ALK: variants seen among roughly 807,000 people sequenced by gnomAD.
The protein encoded by ALK is ALK tyrosine kinase receptor.
ALK carries 74 observed loss-of-function variants against 163.1 expected under a neutral mutation model. The ratio of observed to expected loss-of-function variants is 0.45; its 90% CI spans 0.38 to 0.55. The LOEUF is 0.55. ALK is among the 20% of genes least tolerant of loss of function. The pLI, the probability that ALK is intolerant of heterozygous loss-of-function variation, is 0.00. For synonymous variants in ALK, 960 were observed against 843.2 expected (o/e 1.14, Z -2.40); for missense variants, 2,063 against 2,105.3 (o/e 0.98, Z 0.39).
chr2:29,657,901 A>T (rs925483869), intron 3 of ALK, among the ~76,000 whole-genome samples: 1 of 152,132 alleles, frequency 6.6e-6, no homozygotes, highest in African/African-American at 2.4e-5. Flanking sequence ...GCAGCTTATT[A>T]TTAGTTCCAC....
intron 4 of ALK, among the ~76,000 whole-genome samples, chr2:29,468,234 G>A (rs914248417): frequency 1.3e-5 from 2 of 152,066 alleles, no homozygotes; most frequent in Non-Finnish European, 2.9e-5. Flanking sequence ...TCACCATGTT[G>A]GTCAGGCTGG....
At chr2:29,314,939 G>A (rs545370433) in intron 8 of ALK, among the ~76,000 whole-genome samples, 1 of 152,174 alleles carries the variant, frequency 6.6e-6, no homozygotes, top group East Asian at 1.9e-4. Context: ...AGGCGGATTC[G>A]AGCAGGTCTG....
chr2:29,511,466 CA>C (rs776760553), intron 4 of ALK, among the ~76,000 whole-genome samples: 21 of 152,250 alleles, frequency 1.4e-4, no homozygotes, highest in Admixed American at 4.6e-4. Flanking sequence ...TCATATATAT[CA>C]GTATTTTATT....
At chr2:29,626,871 T>C (rs1040005196) in intron 3 of ALK, among the ~76,000 whole-genome samples, 1 of 152,216 alleles carries the variant, frequency 6.6e-6, no homozygotes, top group Non-Finnish European at 1.5e-5. Flanking sequence ...TGCAGGCCTC[T>C]ACCTCTGCAG....
chr2:29,236,243 T>C (rs1179156535), intron 13 of ALK, among the ~76,000 whole-genome samples: 2 of 152,092 alleles, frequency 1.3e-5, no homozygotes, highest in Admixed American at 1.3e-4. Flanking sequence ...ATGGAGGGGC[T>C]GCCCAGTCTG....
intron 3 of ALK, among the ~76,000 whole-genome samples, chr2:29,576,521 G>A (rs924625922): frequency 2.6e-5 from 4 of 152,186 alleles, no homozygotes; most frequent in South Asian, 2.1e-4. Context: ...TGTTCAGCTC[G>A]GTTCTCTGCC....
intron 25 of ALK, among the ~76,000 whole-genome samples, chr2:29,209,288 C>A (rs141153174): frequency 1.3e-5 from 2 of 152,212 alleles, no homozygotes; most frequent in Non-Finnish European, 2.9e-5. Flanking sequence ...CACCTGTAAT[C>A]CCAGCACTTT....
chr2:29,380,834 C>T (rs925834135), intron 5 of ALK, among the ~76,000 whole-genome samples: 1 of 152,164 alleles, frequency 6.6e-6, no homozygotes, highest in Non-Finnish European at 1.5e-5. Context: ...ACCCACCAGC[C>T]CCCTCCTCCA....
chr2:29,514,658 C>T (rs1279379888), intron 4 of ALK, among the ~76,000 whole-genome samples: 1 of 152,200 alleles, frequency 6.6e-6, no homozygotes, highest in East Asian at 1.9e-4. Flanking sequence ...TTTCTCTCCA[C>T]ACATGTGCCT....
At chr2:29,690,048 C>T (rs1678350068) in intron 3 of ALK, among the ~76,000 whole-genome samples, 1 of 152,166 alleles carries the variant, frequency 6.6e-6, no homozygotes, top group African/African-American at 2.4e-5. Context: ...GTTGTTTAAG[C>T]CATCCGGTTT....
chr2:29,207,105 A>C, intron 26 of ALK, 66 bp downstream of exon 26: 2 of 1,245,486 alleles, frequency 1.6e-6, no homozygotes, highest in South Asian at 2.4e-5. Context: ...TAGAGTATAG[A>C]GTCCTTTGGC....
chr2:29,440,061 G>A (rs184991305), intron 4 of ALK, among the ~76,000 whole-genome samples: 53 of 151,644 alleles, frequency 3.5e-4, no homozygotes, highest in Admixed American at 2.8e-3. Context: ...GTGAAACCCC[G>A]TCTCTACTAA....
chr2:29,307,908 T>C (rs1666569344), intron 8 of ALK, among the ~76,000 whole-genome samples: 1 of 152,246 alleles, frequency 6.6e-6, no homozygotes, highest in South Asian at 2.1e-4. Flanking sequence ...TTAATGTTTC[T>C]TTTCTGAGGG....
chr2:29,407,205 T>C (rs1464030588), intron 4 of ALK, among the ~76,000 whole-genome samples: 2 of 152,258 alleles, frequency 1.3e-5, no homozygotes, highest in Non-Finnish European at 2.9e-5. Flanking sequence ...TAGAAGAGCA[T>C]GTTTTCTGCC....
intron 3 of ALK, among the ~76,000 whole-genome samples, chr2:29,567,945 A>T (rs1674241893): frequency 6.6e-6 from 1 of 152,238 alleles, no homozygotes; most frequent in South Asian, 2.1e-4. Flanking sequence ...TTACCATGAA[A>T]AATGGACTTT....
chr2:29,480,365 T>C (rs1356314677), intron 4 of ALK, among the ~76,000 whole-genome samples: 1 of 152,204 alleles, frequency 6.6e-6, no homozygotes, highest in Non-Finnish European at 1.5e-5. Context: ...CTGTTTGTAA[T>C]ATTTGTGATA....
chr2:29,895,803 T>C (rs1322326148), intron 1 of ALK, among the ~76,000 whole-genome samples: 2 of 152,208 alleles, frequency 1.3e-5, no homozygotes, highest in African/African-American at 4.8e-5. Context: ...TCATTTCTTT[T>C]GGCCGATGTG....
At chr2:29,531,827 T>C in intron 4 of ALK, 88 bp downstream of exon 4, 1 of 1,343,602 alleles carries the variant, frequency 7.4e-7, no homozygotes. Flanking sequence ...CATGAGTTTG[T>C]AAGTAGATGT....
chr2:29,796,217 T>C (rs1664306637), intron 1 of ALK, among the ~76,000 whole-genome samples: 1 of 152,298 alleles, frequency 6.6e-6, no homozygotes, highest in Non-Finnish European at 1.5e-5. Context: ...TAATAAAGCA[T>C]CCAGTCTCTG....
Sources: gnomAD v4.1 joint callset for allele counts (sites outside exome capture counted in the v4.1 genomes callset) on GRCh38, gnomAD v4.1.1 for gene constraint, MANE v1.5 for transcripts, NCBI Gene and HGNC (gene_info 2026-07-23, HGNC 2026-07-21) for gene names.